The following MYO3B variants were observed in gnomAD, a reference collection of about 807,000 sequenced individuals.
MYO3B encodes myosin IIIB.
MYO3B carries 156 observed loss-of-function variants against 174.6 expected under a neutral mutation model. The ratio of observed to expected loss-of-function variants is 0.89; its 90% CI spans 0.78 to 1.02. The LOEUF is 1.02. Among genes scored for constraint, MYO3B ranks in the 50% least tolerant of loss-of-function variants. The probability of loss-of-function intolerance (pLI) is 0.00; values close to 1 mark genes in which losing one functional copy is unlikely to be tolerated. For synonymous variants in MYO3B, 563 were observed against 569.1 expected (o/e 0.99, Z 0.15); for missense variants, 1,632 against 1,639.4 (o/e 1.00, Z 0.08).
chr2:170,498,334 A>C (rs1279348120), intron 25 of MYO3B, among the ~76,000 whole-genome samples: 2 of 152,194 alleles, frequency 1.3e-5, no homozygotes, highest in Admixed American at 6.5e-5. Context: ...AATGCACTAG[A>C]CACCAAGTAT....
intron 22 of MYO3B, chr2:170,412,137 G>A (rs1279667673): frequency 6.6e-6 from 1 of 152,200 alleles, no homozygotes; most frequent in Non-Finnish European, 1.5e-5. Flanking sequence ...AACATTAAAA[G>A]GAAGGATGTT....
chr2:170,427,730 C>CTT (rs2094676171), intron 22 of MYO3B, among the ~76,000 whole-genome samples: 1 of 151,980 alleles, frequency 6.6e-6, no homozygotes, highest in Non-Finnish European at 1.5e-5. Flanking sequence ...ATACTAGGTT[C>CTT]TTTTATAAAA....
At chr2:170,588,191 G>T (rs1049543633) in intron 32 of MYO3B, among the ~76,000 whole-genome samples, 1 of 152,032 alleles carries the variant, frequency 6.6e-6, no homozygotes, top group Admixed American at 6.6e-5. Context: ...TAGCCCTTTG[G>T]GAGGCCGAGG....
Position 170,214,386 on chromosome 2 carries a change from A to G in MYO3B, c.329A>G (p.Asn110Ser). ...GQLWLVLELC[N>S]GGSVTELVKG... ...TGGCACCTCTTCTTGCAGCTGTGTA[A>G]TGGGGGCTCAGTCACTGAGCTTGTC... The change falls in exon 4 of 35, where the codon AAT becomes AGT. Residue 110 changes from asparagine to serine, a missense_variant. Asn to Ser is a conservative substitution (Grantham distance 46). Coordinates refer to ENST00000408978, the MANE Select transcript of MYO3B (RefSeq NM_138995.5). 1 of 1,613,886 alleles carries G rather than the reference A, an allele frequency of 6.2e-7. No homozygotes were observed. Among genetic ancestry groups the G allele is most frequent in the Non-Finnish European group, 8.5e-7 (1 of 1,179,916 alleles).
At chr2:170,640,822 T>C (rs1052668104) in intron 32 of MYO3B, 3 of 152,056 alleles carry the variant, frequency 2.0e-5, no homozygotes, top group East Asian at 1.9e-4. Context: ...TTCACTTCTA[T>C]ATATGGCAAA....
intron 23 of MYO3B, among the ~76,000 whole-genome samples, chr2:170,455,853 A>C (rs1683876395): frequency 6.6e-6 from 1 of 152,174 alleles, no homozygotes; most frequent in Admixed American, 6.5e-5. Context: ...ACTGACTTAC[A>C]TTGTTTTGTA....
In MYO3B at chr2:170,402,918, T is replaced by C. The variant is rs1300038166; in HGVS notation, c.2200T>C (p.Phe734Leu). Residue 734 changes from phenylalanine (F) to leucine (L), a missense_variant, in exon 19 of 35, where the codon TTT becomes CTT. Phe to Leu is a conservative substitution (Grantham distance 22, BLOSUM62 0). Transcript: ENST00000408978. ...ATTCGAGAATTTTCAGAGAAATTCA[T>C]TTGAGCAGCTCTGCATAAACATCGC... is the stretch of plus-strand genomic sequence containing the variant. ...FGFENFQRNS[F>L]EQLCINIANE... is the part of the protein sequence containing the mutation. 2.7e-5 allele frequency: 43 copies of C among 1,611,902 alleles called. No individual in the cohort carries two copies. The highest frequency in any genetic ancestry group is 3.6e-5 in the Non-Finnish European group (42 of 1,178,418).
At chr2:170,517,813 C>T (rs1200380317) in intron 29 of MYO3B, among the ~76,000 whole-genome samples, 2 of 151,690 alleles carry the variant, frequency 1.3e-5, no homozygotes, top group African/African-American at 4.8e-5. Context: ...TTAGAATCTC[C>T]AAGAGGGGGG....
chr2:170,642,882 G>C (rs1326246269), intron 32 of MYO3B, among the ~76,000 whole-genome samples: 1 of 152,128 alleles, frequency 6.6e-6, no homozygotes, highest in Non-Finnish European at 1.5e-5. Context: ...TAGGGACAAG[G>C]GGATTACAAT....
Position 170,519,442 on chromosome 2 carries a change from C to T in MYO3B, c.3477C>T (p.Leu1159=), listed in dbSNP as rs374707237. The part of the protein sequence containing the change: ...DCSEPGDHKV[L]RGSVHRRSHS... ...CCCTCCTTTCTTTTCTCTCAGTTCT[C>T]AGGGGCTCTGTACATCGTAGGAGCC... Residue 1159 remains leucine, a synonymous_variant, in exon 30 of 35, where the codon CTC becomes CTT. Transcript: ENST00000408978. 1.4e-5 allele frequency: 22 copies of T among 1,613,216 alleles called. No individual in the cohort carries two copies. The highest frequency in any genetic ancestry group is 1.6e-4 in the Middle Eastern group (1 of 6,082).
At chr2:170,229,217 T>A (rs532292057) in intron 6 of MYO3B, among the ~76,000 whole-genome samples, 73 of 152,362 alleles carry the variant, frequency 4.8e-4, no homozygotes, top group Non-Finnish European at 8.1e-4. Context: ...ATGAATTGTG[T>A]AAGCAAATTA....
chr2:170,595,141 C>A (rs1007741352), intron 32 of MYO3B, among the ~76,000 whole-genome samples: 4 of 152,272 alleles, frequency 2.6e-5, no homozygotes, highest in Admixed American at 6.5e-5. Context: ...GTTTTGATTT[C>A]TGTAAAATAG....
Position 170,625,219 on chromosome 2 carries a change from A to T in MYO3B, c.3734-26409A>T, listed in dbSNP as rs1696306841. On this transcript the variant is annotated intron_variant, in intron 32 of 34. Coordinates refer to ENST00000408978, the MANE Select transcript of MYO3B (RefSeq NM_138995.5). ...CCTGGACTTTTTTTGGTTGGTAAGC[A>T]GTTAATTATTGCCTCAATTTCAGAG... Among the ~76,000 whole-genome samples the T allele has an allele frequency of 6.6e-5, 10 of 152,218 alleles. No homozygotes were observed. In the South Asian group the frequency reaches 2.1e-3, roughly 32 times the overall value.
intron 30 of MYO3B, among the ~76,000 whole-genome samples, chr2:170,523,296 G>A (rs574648967): frequency 6.6e-6 from 1 of 152,288 alleles, no homozygotes; most frequent in African/African-American, 2.4e-5. Context: ...GTCAGTCTTT[G>A]GGTAGTGGCA....
chr2:170,539,887 G>A lies in MYO3B; in HGVS notation c.3576-3019G>A, dbSNP rs1461145895. 3.9e-5 allele frequency among the ~76,000 whole-genome samples: 6 copies of A among 152,170 alleles called. 2 individuals carry two copies. The East Asian group carries it at 1.2e-3, about 29-fold the overall frequency. On this transcript the variant is annotated intron_variant, in intron 30 of 34. Transcript: ENST00000408978. ...TCCACCTGCCTCAACCTCCCGAAGT[G>A]CTAGGATACCAGGTGTGAGCCATCA... is the stretch of plus-strand genomic sequence containing the variant.
At chr2:170,442,465 G>A (rs2094807686) in intron 22 of MYO3B, among the ~76,000 whole-genome samples, 1 of 139,632 alleles carries the variant, frequency 7.2e-6, no homozygotes, top group East Asian at 2.1e-4. Flanking sequence ...TTAATTGATT[G>A]TCCCTCTTCT....
intron 8 of MYO3B, chr2:170,348,584 T>C (rs1344553435): frequency 6.6e-6 from 1 of 152,058 alleles, no homozygotes; most frequent in Non-Finnish European, 1.5e-5. Flanking sequence ...CTATGTACCT[T>C]TTTCACCTGG....
intron 32 of MYO3B, among the ~76,000 whole-genome samples, chr2:170,559,880 GT>G: frequency 6.6e-6 from 1 of 152,142 alleles, no homozygotes; most frequent in African/African-American, 2.4e-5. Flanking sequence ...AAAATTCCCT[GT>G]TCTGTGATCT....
chr2:170,405,529 A>G lies in MYO3B; in HGVS notation c.2432-16A>G. On this transcript the variant is annotated splice_polypyrimidine_tract_variant and intron_variant, in intron 20 of 34. Transcript: ENST00000408978. The stretch of plus-strand genomic sequence containing the variant: ...ATAATTCACATTGTAACTCTCCAAC[A>G]TAAAAATCCACACAGATAAATTTGA... The G allele has an allele frequency of 1.9e-6, 3 of 1,613,206 alleles. No individual in the cohort carries two copies. The highest frequency in any genetic ancestry group is 2.5e-6 in the Non-Finnish European group (3 of 1,179,202).
Sources: allele counts gnomAD v4.1 joint callset (sites outside exome capture counted in the v4.1 genomes callset), GRCh38; gene constraint gnomAD v4.1.1; transcripts MANE v1.5; gene names NCBI Gene and HGNC (gene_info 2026-07-23, HGNC 2026-07-21).